The following FBXO34 variants were observed in gnomAD, a reference collection of about 807,000 sequenced individuals.
FBXO34 encodes F-box only protein 34.
FBXO34 carries 12 observed loss-of-function variants against 24.5 expected under a neutral mutation model. The ratio of observed to expected loss-of-function variants is 0.49; its 90% CI spans 0.31 to 0.79. FBXO34 has a LOEUF of 0.79. Ranked by LOEUF, FBXO34 falls within the 30% of genes least tolerant of loss-of-function variation. FBXO34 has a pLI of 0.04. For missense variants in FBXO34, 823 were observed against 857.7 expected (o/e 0.96, Z 0.51); for synonymous variants, 320 against 311.9 (o/e 1.03, Z -0.27).
At chr14:55,334,393 G>A (rs1238372563) in intron 1 of FBXO34, among the ~76,000 whole-genome samples, 1 of 152,096 alleles carries the variant, frequency 6.6e-6, no homozygotes, top group African/African-American at 2.4e-5. Context: ...GCCCTGTGAT[G>A]GACACAGAAA....
At position 55,350,909 on chromosome 14, in the gene FBXO34, G is replaced by A; in HGVS notation, c.519G>A (p.Arg173=). 1 of 1,613,876 alleles carries A rather than the reference G, an allele frequency of 6.2e-7. No individual in the cohort carries two copies. The change falls in exon 2 of 2, where the codon AGG becomes AGA. Residue 173 remains arginine (R), a synonymous_variant. Transcript: ENST00000313833. ...QVERMREVNS[R]CYQPEPFACG... ...AAAGGATGAGGGAGGTTAACAGCAG[G>A]TGCTACCAACCTGAGCCTTTTGCAT...
chr14:55,309,240 T>TACAG (rs980836028), intron 1 of FBXO34, among the ~76,000 whole-genome samples: 1 of 152,152 alleles, frequency 6.6e-6, no homozygotes, highest in Non-Finnish European at 1.5e-5. Flanking sequence ...TTCCTATGAA[T>TACAG]ACAGAATGGC....
At position 55,273,995 on chromosome 14, in the gene FBXO34, G is replaced by A. The variant is rs1479060773; in HGVS notation, c.-11+2458G>A. On this transcript the variant is annotated intron_variant, in intron 1 of 1. Transcript: ENST00000313833. ...TAATTTTTGTATTTTTAGCAAAGAC[G>A]GGGTTTCACTGTGTTGGCCAGGCTG... 3.3e-5 allele frequency among the ~76,000 whole-genome samples: 5 copies of A among 152,202 alleles called. No individual in the cohort carries two copies. The East Asian group carries it at 9.7e-4, about 29-fold the overall frequency.
At chr14:55,297,492 TG>T (rs1461515190) in intron 1 of FBXO34, among the ~76,000 whole-genome samples, 3 of 152,228 alleles carry the variant, frequency 2.0e-5, no homozygotes, top group Non-Finnish European at 4.4e-5. Flanking sequence ...TTAAAATACA[TG>T]TTAAATGCCT....
chr14:55,406,369 T>C, the FBXO34 span, among the ~76,000 whole-genome samples: 1 of 152,210 alleles, frequency 6.6e-6, no homozygotes, highest in Non-Finnish European at 1.5e-5. Context: ...AGGTTCCAGA[T>C]TTTATTAACA....
the FBXO34 span, among the ~76,000 whole-genome samples, chr14:55,406,841 T>C: frequency 6.6e-6 from 1 of 152,232 alleles, no homozygotes; most frequent in Non-Finnish European, 1.5e-5. Context: ...TCTTTTTTAT[T>C]CTAAATTTTG....
chr14:55,391,808 C>T, the FBXO34 span, among the ~76,000 whole-genome samples: 2 of 152,086 alleles, frequency 1.3e-5, no homozygotes, highest in African/African-American at 2.4e-5. Context: ...ACTGAGGAGA[C>T]GGTTAACATA....
intron 1 of FBXO34, among the ~76,000 whole-genome samples, chr14:55,304,878 T>A (rs956355081): frequency 3.9e-5 from 6 of 152,232 alleles, no homozygotes; most frequent in East Asian, 3.8e-4. Flanking sequence ...AAATCTTTTT[T>A]AAAAAGATTT....
chr14:55,372,963 T>C (rs946706595), downstream of FBXO34, among the ~76,000 whole-genome samples: 1 of 152,138 alleles, frequency 6.6e-6, no homozygotes, highest in African/African-American at 2.4e-5. Flanking sequence ...GGAACAATTT[T>C]GGTTCCAATG....
chr14:55,390,028 A>C, the FBXO34 span, among the ~76,000 whole-genome samples: 1 of 151,634 alleles, frequency 6.6e-6, no homozygotes, highest in African/African-American at 2.4e-5. Context: ...CCAAGTTAAG[A>C]CTCTGAGCTT....
At chr14:55,425,619 T>A in the FBXO34 span, among the ~76,000 whole-genome samples, 1 of 152,144 alleles carries the variant, frequency 6.6e-6, no homozygotes, top group Non-Finnish European at 1.5e-5. Flanking sequence ...TTCACAAAGA[T>A]TGAGAATATC....
the FBXO34 span, among the ~76,000 whole-genome samples, chr14:55,416,205 A>T: frequency 1.3e-5 from 2 of 152,256 alleles, no homozygotes; most frequent in African/African-American, 4.8e-5. Flanking sequence ...ACTAAATGCC[A>T]CTGAACTGTT....
chr14:55,323,223 A>AAAAT (rs1883218806), intron 1 of FBXO34, among the ~76,000 whole-genome samples: 2 of 18,510 alleles, frequency 1.1e-4, no homozygotes, highest in Non-Finnish European at 1.5e-4. Context: ...AAAAAAATAT[A>AAAAT]TATTTTTTTT....
intron 1 of FBXO34, among the ~76,000 whole-genome samples, chr14:55,288,789 G>A (rs1451941769): frequency 1.3e-5 from 2 of 152,186 alleles, no homozygotes; most frequent in Non-Finnish European, 2.9e-5. Flanking sequence ...GGTGGCTCAC[G>A]CCTGTAATAC....
the FBXO34 span, among the ~76,000 whole-genome samples, chr14:55,406,644 A>G: frequency 6.6e-6 from 1 of 152,226 alleles, no homozygotes; most frequent in East Asian, 1.9e-4. Context: ...GGCTATTAGA[A>G]CAATGGTCCT....
the FBXO34 span, among the ~76,000 whole-genome samples, chr14:55,427,830 T>TAC: frequency 4.2e-4 from 57 of 134,186 alleles, no homozygotes; most frequent in African/African-American, 1.7e-3. Context: ...GCTGCAGCTA[T>TAC]ATACACACAC....
intron 1 of FBXO34, among the ~76,000 whole-genome samples, chr14:55,284,051 T>G (rs1482136621): frequency 6.6e-6 from 1 of 151,896 alleles, no homozygotes; most frequent in East Asian, 1.9e-4. Flanking sequence ...CAGACTGCAG[T>G]GCAGTGGCAC....
the FBXO34 span, among the ~76,000 whole-genome samples, chr14:55,375,531 A>G: frequency 7.2e-6 from 1 of 139,534 alleles, no homozygotes; most frequent in African/African-American, 2.7e-5. Context: ...TTTTGTAGAC[A>G]TGGAGTCTCA....
exon 3 of FBXO34, chr14:55,367,669 AGGAGATGGTGGTTGCAGTGAGC>A (rs1434147080): frequency 2.0e-5 from 3 of 152,136 alleles, no homozygotes; most frequent in East Asian, 1.9e-4. Context: ...GCTTGAACCC[AGGAGATGGTGGTTGCAGTGAGC>A]GGAGATGGTG....
Sources: gnomAD v4.1 joint callset for allele counts (sites outside exome capture counted in the v4.1 genomes callset) on GRCh38, gnomAD v4.1.1 for gene constraint, MANE v1.5 for transcripts, NCBI Gene and HGNC (gene_info 2026-07-23, HGNC 2026-07-21) for gene names.